SCFD2: variants seen among roughly 807,000 people sequenced by gnomAD.
The protein encoded by SCFD2 is sec1 family domain containing 2.
In SCFD2, 54 loss-of-function variants were observed where a neutral mutation model predicts 58.9. The ratio of observed to expected loss-of-function variants is 0.92; its 90% CI spans 0.74 to 1.15. The LOEUF (loss-of-function observed/expected upper bound fraction) is 1.15. SCFD2 is among the 50% of genes most tolerant of loss of function. The pLI is 0.00. For synonymous variants in SCFD2, 321 were observed against 335.9 expected (o/e 0.96, Z 0.49); for missense variants, 805 against 836.6 (o/e 0.96, Z 0.47).
rs116711784 is a variant in SCFD2, at chr4:52,939,998, A to T, written c.1562-19128T>A. Among the ~76,000 whole-genome samples, 1,205 of 152,352 alleles carry T rather than the reference A, an allele frequency of 7.9e-3. 11 individuals are homozygous for T. Among genetic ancestry groups the T allele is most frequent in the African/African-American group, 0.026 (1,073 of 41,590 alleles). On this transcript the variant is annotated intron_variant, in intron 5 of 8. Transcript: ENST00000401642. ...CCAGCCCAGCTGGCTTAGGAATTCA[A>T]ACCCAAGCAGGGAGCCTACATTCCC... is the stretch of plus-strand genomic sequence containing the variant.
chr4:53,156,525 G>A (rs748948574), intron 4 of SCFD2, among the ~76,000 whole-genome samples: 13 of 151,718 alleles, frequency 8.6e-5, no homozygotes, highest in East Asian at 3.9e-4. Context: ...GTGAAACCCC[G>A]TCTCTACTAA....
intron 4 of SCFD2, among the ~76,000 whole-genome samples, chr4:53,188,929 G>A (rs75808733): frequency 0.018 from 2,806 of 152,114 alleles, 88 homozygotes; most frequent in African/African-American, 0.065. Flanking sequence ...TTATTTAGGG[G>A]ACTCTCCCAT....
chr4:53,356,591 A>G (rs907027535), intron 1 of SCFD2, among the ~76,000 whole-genome samples: 4 of 151,940 alleles, frequency 2.6e-5, no homozygotes, highest in Admixed American at 2.6e-4. Flanking sequence ...TGCCCAGCTA[A>G]TTTTTTGTAT....
intron 2 of SCFD2, among the ~76,000 whole-genome samples, chr4:53,317,575 G>A (rs541732700): frequency 2.6e-5 from 4 of 152,296 alleles, no homozygotes; most frequent in Non-Finnish European, 4.4e-5. Flanking sequence ...CGGATTATAC[G>A]TAAATCTTTA....
intron 4 of SCFD2, among the ~76,000 whole-genome samples, chr4:53,256,268 G>T (rs576964597): frequency 8.3e-6 from 1 of 120,906 alleles, no homozygotes; most frequent in Admixed American, 9.2e-5. Context: ...GGGCAGAGGC[G>T]CTCCTCACAT....
chr4:53,043,791 T>C (rs543408754), intron 5 of SCFD2, among the ~76,000 whole-genome samples: 1 of 152,138 alleles, frequency 6.6e-6, no homozygotes, highest in Non-Finnish European at 1.5e-5. Context: ...AAATGAACTT[T>C]TAAAAAATAT....
intron 5 of SCFD2, among the ~76,000 whole-genome samples, chr4:52,955,397 T>C (rs377122720): frequency 8.0e-4 from 122 of 152,326 alleles, no homozygotes; most frequent in African/African-American, 2.7e-3. Context: ...ACAATGATTA[T>C]TATTGCTAAT....
intron 7 of SCFD2, among the ~76,000 whole-genome samples, chr4:52,892,844 CA>C (rs1201422659): frequency 6.6e-6 from 1 of 152,188 alleles, no homozygotes; most frequent in African/African-American, 2.4e-5. Flanking sequence ...GACTAGCATA[CA>C]AAAGAGCCTC....
At chr4:53,278,308 G>C (rs1044528862) in intron 3 of SCFD2, among the ~76,000 whole-genome samples, 3 of 151,164 alleles carry the variant, frequency 2.0e-5, no homozygotes, top group African/African-American at 7.3e-5. Flanking sequence ...GGAGTAAGCC[G>C]AGATTGCACC....
At chr4:53,078,808 AT>A (rs1724057100) in intron 5 of SCFD2, among the ~76,000 whole-genome samples, 1 of 152,178 alleles carries the variant, frequency 6.6e-6, no homozygotes, top group Non-Finnish European at 1.5e-5. Context: ...AATAAAAAAA[AT>A]CTATTAAATG....
At chr4:53,049,933 T>A (rs1209796056) in intron 5 of SCFD2, among the ~76,000 whole-genome samples, 1 of 152,184 alleles carries the variant, frequency 6.6e-6, no homozygotes, top group Non-Finnish European at 1.5e-5. Flanking sequence ...ATTCTTTGAT[T>A]GGCATGTATT....
chr4:53,181,770 C>G (rs1727567184), intron 4 of SCFD2, among the ~76,000 whole-genome samples: 1 of 152,074 alleles, frequency 6.6e-6, no homozygotes, highest in Admixed American at 6.6e-5. Flanking sequence ...TCGTCTCAGC[C>G]CAAAATCTCC....
chr4:52,917,593 C>T (rs1719638771), intron 6 of SCFD2, among the ~76,000 whole-genome samples: 1 of 152,170 alleles, frequency 6.6e-6, no homozygotes, highest in African/African-American at 2.4e-5. Flanking sequence ...GTGAGATGTT[C>T]TTTAAGTCAA....
intron 3 of SCFD2, among the ~76,000 whole-genome samples, chr4:53,307,180 A>T (rs546782958): frequency 6.6e-6 from 1 of 152,368 alleles, no homozygotes; most frequent in African/African-American, 2.4e-5. Context: ...AGTATTTCAG[A>T]CAGACAACAA....
chr4:53,012,829 TGTGTG>T (rs1722126573), intron 5 of SCFD2, among the ~76,000 whole-genome samples: 1 of 103,634 alleles, frequency 9.6e-6, no homozygotes, highest in Admixed American at 9.8e-5. Context: ...TGTGTGTGTG[TGTGTG>T]TGTTTTTTTT....
At chr4:53,321,619 T>C (rs180979042) in intron 2 of SCFD2, among the ~76,000 whole-genome samples, 11 of 152,308 alleles carry the variant, frequency 7.2e-5, no homozygotes, top group Admixed American at 5.9e-4. Context: ...AGCTGAGTCA[T>C]AGTTTTTCAC....
intron 5 of SCFD2, among the ~76,000 whole-genome samples, chr4:53,072,813 A>G (rs531177380): frequency 1.8e-5 from 2 of 108,604 alleles, no homozygotes; most frequent in East Asian, 5.8e-4. Context: ...TCTTTCACCT[A>G]GTAAACTCCC....
chr4:53,156,460 G>A (rs944122316), intron 4 of SCFD2, among the ~76,000 whole-genome samples: 1 of 151,310 alleles, frequency 6.6e-6, no homozygotes, highest in African/African-American at 2.4e-5. Flanking sequence ...CACTTTGGGA[G>A]GCCAAGGCGG....
chr4:53,224,942 C>T (rs1452830707), intron 4 of SCFD2, among the ~76,000 whole-genome samples: 4 of 152,100 alleles, frequency 2.6e-5, no homozygotes, highest in Non-Finnish European at 4.4e-5. Flanking sequence ...CTTCTATTAA[C>T]ATTACATGAA....
Sources: allele counts gnomAD v4.1 joint callset (sites outside exome capture counted in the v4.1 genomes callset), GRCh38; gene constraint gnomAD v4.1.1; transcripts MANE v1.5; gene names NCBI Gene and HGNC (gene_info 2026-07-23, HGNC 2026-07-21).